Variants in COL28A1 observed in about 807,000 individuals in gnomAD.
COL28A1 encodes collagen alpha-1(XXVIII) chain.
Under a neutral mutation model 150.2 loss-of-function variants are expected in COL28A1, and 161 were observed. The ratio of observed to expected loss-of-function variants is 1.07; its 90% CI spans 0.94 to 1.22. COL28A1 has a LOEUF of 1.22. Ranked by LOEUF, COL28A1 falls within the 50% of genes most tolerant of loss-of-function variation. COL28A1 has a pLI of 0.00. For missense variants in COL28A1, 1,617 were observed against 1,388.3 expected, an observed-to-expected ratio of 1.16 and a Z score of -2.62; for synonymous variants, 552 against 469.7, an observed-to-expected ratio of 1.18 and a Z score of -2.26.
intron 13 of COL28A1, among the ~76,000 whole-genome samples, chr7:7,483,632 C>G (rs1779469334): frequency 6.6e-6 from 1 of 151,918 alleles, no homozygotes; most frequent in South Asian, 2.1e-4. Context: ...CAATTAAAGC[C>G]CAGCTGAAAA....
In COL28A1 at chr7:7,436,480, A is replaced by G. The variant is rs1415838535; in HGVS notation, c.1792-17T>C. 2.6e-6 allele frequency: 3 copies of G among 1,150,912 alleles called. No individual in the cohort carries two copies. The East Asian group carries it at 7.0e-5, about 27-fold the overall frequency. 71.3% of individuals were successfully genotyped at this position (1,150,912 alleles called of 1,614,324 possible). A position where few individuals can be genotyped will look rare whatever the true frequency, so the allele number is the denominator to read the frequency against. On this transcript the variant is annotated splice_polypyrimidine_tract_variant and intron_variant, in intron 22 of 34. Coordinates refer to ENST00000399429, the MANE Select transcript of COL28A1 (RefSeq NM_001037763.3). ...TCTATCTCCCTGTACATTTCAAATA[A>G]CATTTCACAGGCTACAGTTGTGCGA...
rs79851098 is a variant in COL28A1 at position 7,423,871 on chromosome 7, T to C, written c.1999-3918A>G. 2.3e-3 allele frequency among the ~76,000 whole-genome samples: 351 copies of C among 152,240 alleles called. 1 individual carries two copies. The highest frequency in any genetic ancestry group is 8.0e-3 in the African/African-American group (331 of 41,528). On this transcript the variant is annotated intron_variant, in intron 25 of 34. Coordinates refer to ENST00000399429, the MANE Select transcript of COL28A1 (RefSeq NM_001037763.3). The stretch of plus-strand genomic sequence containing the variant: ...CCCTAACCCTCAACCTTTGGGAGTA[T>C]CTGAAGGCCAACTGCAGTAGGACAG...
At chr7:7,449,280 G>A (rs10265808) in intron 18 of COL28A1, among the ~76,000 whole-genome samples, 7,871 of 152,108 alleles carry the variant, frequency 0.052, 717 homozygotes, top group African/African-American at 0.18. Context: ...GTAATGTATC[G>A]TATTAACAAG....
chr7:7,531,231 T>G lies in COL28A1; in HGVS notation c.681+117A>C, dbSNP rs552605768. Reference sequence around the variant, plus strand: ...TTCAGAAAGATTCTTCTTTCTGTTTTCAGTGTTAACTCTCATTTTCTCCAT... The same window carrying G: ...TTCAGAAAGATTCTTCTTTCTGTTTGCAGTGTTAACTCTCATTTTCTCCAT... On this transcript the variant is annotated intron_variant, in intron 3 of 34. Transcript: ENST00000399429. The G allele has an allele frequency of 1.2e-4, 59 of 491,308 alleles. No homozygotes were observed. In the East Asian group the frequency reaches 1.5e-3, roughly 12 times the overall value. 30.4% of individuals were successfully genotyped at this position (491,308 alleles called of 1,614,324 possible).
intron 27 of COL28A1, among the ~76,000 whole-genome samples, chr7:7,402,532 G>C (rs1400514333): frequency 1.3e-5 from 2 of 152,162 alleles, no homozygotes; most frequent in African/African-American, 2.4e-5. Context: ...GGTATTTAGA[G>C]AATCAAACTA....
At chr7:7,526,634 C>A (rs1562916392) in intron 3 of COL28A1, among the ~76,000 whole-genome samples, 1 of 150,100 alleles carries the variant, frequency 6.7e-6, no homozygotes, top group Admixed American at 6.6e-5. Flanking sequence ...TGAGCAATAT[C>A]TTTTTTTTTT....
intron 27 of COL28A1, among the ~76,000 whole-genome samples, chr7:7,383,682 G>GTATATACA (rs1554262306): frequency 8.1e-6 from 1 of 124,096 alleles, no homozygotes; most frequent in Non-Finnish European, 1.6e-5. Flanking sequence ...GTGTGTGTGT[G>GTATATACA]TATATATATA....
chr7:7,377,848 T>G (rs1781646706), intron 30 of COL28A1, among the ~76,000 whole-genome samples: 1 of 144,308 alleles, frequency 6.9e-6, no homozygotes, highest in East Asian at 2.0e-4. Context: ...GCTGTGGTAG[T>G]AGTAATGGAT....
chr7:7,520,865 G>A (rs759222829), intron 5 of COL28A1, among the ~76,000 whole-genome samples: 1 of 152,146 alleles, frequency 6.6e-6, no homozygotes, highest in African/African-American at 2.4e-5. Flanking sequence ...AGACTTTATA[G>A]GAAGGGATGG....
upstream of COL28A1, among the ~76,000 whole-genome samples, chr7:7,540,729 C>T (rs564770507): frequency 1.3e-5 from 2 of 152,308 alleles, no homozygotes; most frequent in East Asian, 3.9e-4. Flanking sequence ...CAGAACAAAT[C>T]ATCATGGGCT....
At chr7:7,403,612 A>C (rs1174844437) in intron 27 of COL28A1, among the ~76,000 whole-genome samples, 1 of 152,174 alleles carries the variant, frequency 6.6e-6, no homozygotes, top group Non-Finnish European at 1.5e-5. Context: ...TACTTTTCTT[A>C]AATGTATGTA....
intron 10 of COL28A1, 35 bp downstream of exon 10, chr7:7,507,082 T>A (rs770212618): frequency 5.3e-6 from 5 of 950,620 alleles, no homozygotes; most frequent in Non-Finnish European, 8.7e-6. Flanking sequence ...CAGGTGATTC[T>A]AATTCAAACT....
chr7:7,342,498 T>G, the COL28A1 span, among the ~76,000 whole-genome samples: 1 of 151,828 alleles, frequency 6.6e-6, no homozygotes, highest in East Asian at 1.9e-4. Context: ...CTGATAGGAC[T>G]AACATTTTGT....
At chr7:7,539,897 A>G (rs1384388839), upstream of COL28A1, among the ~76,000 whole-genome samples, 3 of 152,186 alleles carry the variant, frequency 2.0e-5, no homozygotes, top group African/African-American at 7.2e-5. Flanking sequence ...AGCTTGAATA[A>G]TTGTGTCACA....
chr7:7,389,310 T>C (rs1179433820), intron 27 of COL28A1, among the ~76,000 whole-genome samples: 1 of 152,182 alleles, frequency 6.6e-6, no homozygotes, highest in African/African-American at 2.4e-5. Flanking sequence ...TGGTTGTAGA[T>C]GTATAGTGTT....
At chr7:7,387,187 C>T (rs1782238628) in intron 27 of COL28A1, among the ~76,000 whole-genome samples, 1 of 152,084 alleles carries the variant, frequency 6.6e-6, no homozygotes, top group South Asian at 2.1e-4. Flanking sequence ...CAGAATAAAC[C>T]TTGCAAGAAT....
intron 13 of COL28A1, among the ~76,000 whole-genome samples, chr7:7,481,479 T>C (rs1789379645): frequency 6.6e-6 from 1 of 152,182 alleles, no homozygotes; most frequent in African/African-American, 2.4e-5. Context: ...TACCAAAAGA[T>C]TATTTTTAAA....
chr7:7,391,452 T>C (rs898097294), intron 27 of COL28A1, among the ~76,000 whole-genome samples: 3 of 152,218 alleles, frequency 2.0e-5, no homozygotes, highest in Non-Finnish European at 4.4e-5. Context: ...ATGCATATTC[T>C]GCTGATTTGG....
rs1438984801 is a variant in COL28A1, at chr7:7,410,108, G to A, written c.2136+7751C>T. On this transcript the variant is annotated intron_variant, in intron 27 of 34. Coordinates refer to ENST00000399429, the MANE Select transcript of COL28A1 (RefSeq NM_001037763.3). ...CTTGGTCCAGGAGGAAAATGAAAGC[G>A]TGAACTAGTAAGTGAAAAACACAAA... is the stretch of plus-strand genomic sequence containing the variant. Among the ~76,000 whole-genome samples, 4 of 152,236 alleles carry A rather than the reference G, an allele frequency of 2.6e-5. No homozygotes were observed. In the South Asian group the frequency reaches 6.2e-4, roughly 24 times the overall value.
Sources: allele counts gnomAD v4.1 joint callset (sites outside exome capture counted in the v4.1 genomes callset), GRCh38; gene constraint gnomAD v4.1.1; transcripts MANE v1.5; gene names NCBI Gene and HGNC (gene_info 2026-07-23, HGNC 2026-07-21).